Variants in NRG1 observed in about 807,000 individuals in gnomAD.
NRG1 encodes pro-neuregulin-1, membrane-bound isoform.
In NRG1, 18 loss-of-function variants were observed where a neutral mutation model predicts 63.8. That is an observed-to-expected ratio of 0.28 (90% confidence interval 0.19 to 0.42). The LOEUF is 0.42. Ranked by LOEUF, NRG1 falls within the 10% of genes least tolerant of loss-of-function variation. NRG1 has a pLI of 1.00. For synonymous variants in NRG1, 302 were observed against 301.3 expected, an observed-to-expected ratio of 1.00 and a Z score of -0.02; for missense variants, 762 against 814.7, an observed-to-expected ratio of 0.94 and a Z score of 0.79.
At position 31,834,306 on chromosome 8, in the gene NRG1, C is replaced by T. The variant is rs141659428; in HGVS notation, c.37+194875C>T. Among the ~76,000 whole-genome samples, 7 of 31,256 alleles carry T rather than the reference C, an allele frequency of 2.2e-4. No homozygotes were observed. The South Asian group carries it at 6.9e-3, about 31-fold the overall frequency. The allele number at this position is 31,256 out of a possible 152,430, so 20.5% of individuals were successfully genotyped here. On this transcript the variant is annotated intron_variant, in intron 1 of 10. Coordinates refer to the NRG1 transcript ENST00000519301. Reference sequence around the variant, plus strand: ...CCCTTCATGCGTGTGCGCGCACGCGCGCACACACACACACACACACACACG... The same window carrying T: ...CCCTTCATGCGTGTGCGCGCACGCGTGCACACACACACACACACACACACG...
At chr8:31,957,045 G>C (rs1365309022) in intron 1 of NRG1, among the ~76,000 whole-genome samples, 1 of 152,120 alleles carries the variant, frequency 6.6e-6, no homozygotes, top group East Asian at 1.9e-4. Context: ...TGGAAATATT[G>C]ACTATGGGAT....
intron 6 of NRG1, among the ~76,000 whole-genome samples, chr8:32,733,323 T>C (rs1055996262): frequency 3.9e-5 from 6 of 152,230 alleles, no homozygotes; most frequent in Middle Eastern, 3.4e-3. Context: ...ATAATGAATG[T>C]TTATGAAGCC....
At chr8:31,835,356 G>T (rs1234607994) in intron 1 of NRG1, among the ~76,000 whole-genome samples, 1 of 152,134 alleles carries the variant, frequency 6.6e-6, no homozygotes, top group Non-Finnish European at 1.5e-5. Context: ...ATTTAGAAAA[G>T]AACAGCCTTT....
At chr8:31,827,961 A>AGAG (rs889229755) in intron 1 of NRG1, among the ~76,000 whole-genome samples, 112 of 152,320 alleles carry the variant, frequency 7.4e-4, no homozygotes, top group African/African-American at 2.5e-3. Flanking sequence ...GGTGTGTCCC[A>AGAG]GAGGGATCTG....
At chr8:31,989,548 C>T (rs544598352) in intron 1 of NRG1, among the ~76,000 whole-genome samples, 165 of 152,134 alleles carry the variant, frequency 1.1e-3, no homozygotes, top group Non-Finnish European at 1.9e-3. Context: ...TTCCTTTAAC[C>T]TTTAAGCGTC....
intron 1 of NRG1, among the ~76,000 whole-genome samples, chr8:32,506,940 A>G (rs980630199): frequency 2.0e-5 from 3 of 152,156 alleles, no homozygotes; most frequent in African/African-American, 7.2e-5. Context: ...ACAGCATTCT[A>G]TCTATTCTTT....
chr8:32,202,104 A>G (rs55875744), intron 1 of NRG1, among the ~76,000 whole-genome samples: 2,033 of 152,290 alleles, frequency 0.013, 54 homozygotes, highest in African/African-American at 0.046. Context: ...AGAAAAGTGG[A>G]TGCTTCCACC....
At chr8:32,091,203 G>A (rs947892357) in intron 1 of NRG1, among the ~76,000 whole-genome samples, 40 of 151,782 alleles carry the variant, frequency 2.6e-4, no homozygotes, top group African/African-American at 8.7e-4. Context: ...GCGTGAACCC[G>A]GGAGGCAGAG....
At chr8:32,391,511 C>G (rs1388233794) in intron 1 of NRG1, among the ~76,000 whole-genome samples, 1 of 152,052 alleles carries the variant, frequency 6.6e-6, no homozygotes, top group African/African-American at 2.4e-5. Flanking sequence ...CTCTCTCCAC[C>G]CTGACCCTCC....
At chr8:32,190,887 T>G (rs1294980495) in intron 1 of NRG1, among the ~76,000 whole-genome samples, 1 of 152,086 alleles carries the variant, frequency 6.6e-6, no homozygotes, top group African/African-American at 2.4e-5. Context: ...GCAGATGTAA[T>G]AGGGGAGAGT....
chr8:32,313,224 T>G (rs1302357699), intron 1 of NRG1, among the ~76,000 whole-genome samples: 2 of 152,140 alleles, frequency 1.3e-5, no homozygotes, highest in Admixed American at 6.5e-5. Context: ...GTTCTAAGAG[T>G]TGATATTGCT....
chr8:32,478,049 A>G (rs898244655), intron 1 of NRG1, among the ~76,000 whole-genome samples: 2 of 152,258 alleles, frequency 1.3e-5, no homozygotes, highest in African/African-American at 4.8e-5. Context: ...CCTCTGGAAC[A>G]ATTGAGACAT....
chr8:31,758,499 C>G (rs1817209194), intron 1 of NRG1, among the ~76,000 whole-genome samples: 1 of 152,040 alleles, frequency 6.6e-6, no homozygotes, highest in Non-Finnish European at 1.5e-5. Flanking sequence ...AATAAAGAAA[C>G]TGTGGCACAT....
chr8:32,741,888 A>T (rs1298540687), intron 6 of NRG1, 120 bp from the exon 7 acceptor site: 3 of 663,032 alleles, frequency 4.5e-6, no homozygotes, highest in African/African-American at 1.8e-5. Context: ...TCTTTTCTTT[A>T]TATTGCTTGG....
intron 1 of NRG1, among the ~76,000 whole-genome samples, chr8:32,075,760 C>T (rs1343428670): frequency 7.1e-6 from 1 of 141,762 alleles, no homozygotes; most frequent in African/African-American, 2.6e-5. Flanking sequence ...GCAACCTCCA[C>T]CTCCCAGGTT....
chr8:32,077,764 T>G (rs975106351), intron 1 of NRG1, among the ~76,000 whole-genome samples: 4 of 152,298 alleles, frequency 2.6e-5, no homozygotes, highest in Admixed American at 2.6e-4. Context: ...CTTAGAATTT[T>G]TGATGAAAAC....
chr8:31,760,993 A>C (rs932125630), intron 1 of NRG1, among the ~76,000 whole-genome samples: 3 of 152,312 alleles, frequency 2.0e-5, no homozygotes, highest in East Asian at 1.9e-4. Context: ...CTATAAAGAC[A>C]CATGCACACG....
intron 1 of NRG1, among the ~76,000 whole-genome samples, chr8:31,885,988 A>G (rs1372845261): frequency 6.6e-6 from 1 of 152,160 alleles, no homozygotes; most frequent in Non-Finnish European, 1.5e-5. Context: ...GGTTAAGGGA[A>G]ACAAGAAACA....
rs951713839 is a variant in NRG1 at position 31,703,409 on chromosome 8, C to T, written c.37+63978C>T. Among the ~76,000 whole-genome samples the T allele has an allele frequency of 2.0e-5, 3 of 151,924 alleles. No homozygotes were observed. The East Asian group carries it at 5.8e-4, about 29-fold the overall frequency. On this transcript the variant is annotated intron_variant, in intron 1 of 10. Transcript: ENST00000519301. Reference sequence around the variant, plus strand: ...ACTTGAACTAAATTGAAAAATTTAGCATATAAATTAAAGCTCACTTAAAAC... The same window carrying T: ...ACTTGAACTAAATTGAAAAATTTAGTATATAAATTAAAGCTCACTTAAAAC...
Sources: allele counts gnomAD v4.1 joint callset (sites outside exome capture counted in the v4.1 genomes callset), GRCh38; gene constraint gnomAD v4.1.1; transcripts MANE v1.5; gene names NCBI Gene and HGNC (gene_info 2026-07-23, HGNC 2026-07-21).